AFAP1: variants seen among roughly 807,000 people sequenced by gnomAD.
AFAP1 encodes the protein actin filament associated protein 1, also known as actin filament-associated protein 1.
Under a neutral mutation model 93.9 loss-of-function variants are expected in AFAP1, and 75 were observed. The observed-to-expected ratio is 0.80, with a 90% CI of 0.66 to 0.97. The LOEUF (loss-of-function observed/expected upper bound fraction) is 0.97. AFAP1 is among the 50% of genes least tolerant of loss of function. The pLI, the probability that AFAP1 is intolerant of heterozygous loss-of-function variation, is 0.00. For synonymous variants in AFAP1, 517 were observed against 430.7 expected, an observed-to-expected ratio of 1.20 and a Z score of -2.48; for missense variants, 1,201 against 1,050.8, an observed-to-expected ratio of 1.14 and a Z score of -1.98.
chr4:7,935,105 G>A (rs1320484446), intron 1 of AFAP1, among the ~76,000 whole-genome samples: 2 of 151,750 alleles, frequency 1.3e-5, no homozygotes, highest in African/African-American at 2.4e-5. Flanking sequence ...TAAACATTTG[G>A]GATTTCAAAG....
At chr4:7,891,857 C>T (rs1005555829) in intron 1 of AFAP1, among the ~76,000 whole-genome samples, 3 of 150,690 alleles carry the variant, frequency 2.0e-5, no homozygotes, top group Non-Finnish European at 4.4e-5. Context: ...ACAAGACCAG[C>T]GTGGCCAACA....
At chr4:7,769,306 G>T (rs1007661128) in intron 16 of AFAP1, among the ~76,000 whole-genome samples, 1 of 152,156 alleles carries the variant, frequency 6.6e-6, no homozygotes, top group African/African-American at 2.4e-5. Context: ...TGCATTCAAA[G>T]CTGGGCTCTT....
chr4:7,778,402 G>C (rs1050181923), intron 14 of AFAP1: 6 of 353,444 alleles, frequency 1.7e-5, no homozygotes, highest in African/African-American at 1.3e-4. Context: ...GCTGAGTTTA[G>C]AGTCTGCAAG....
intron 17 of AFAP1, among the ~76,000 whole-genome samples, chr4:7,765,378 ACT>A (rs1401789213): frequency 6.6e-6 from 1 of 152,016 alleles, no homozygotes; most frequent in Non-Finnish European, 1.5e-5. Context: ...CCTCGTCCTG[ACT>A]CAGGGAGGCA....
intron 9 of AFAP1, among the ~76,000 whole-genome samples, chr4:7,806,746 G>A (rs1719548811): frequency 6.6e-6 from 1 of 152,142 alleles, no homozygotes; most frequent in Admixed American, 6.5e-5. Context: ...AAATCTTGTG[G>A]ACAGAGGATG....
intron 2 of AFAP1, among the ~76,000 whole-genome samples, chr4:7,870,368 G>A (rs183838169): frequency 6.6e-6 from 1 of 152,190 alleles, no homozygotes; most frequent in Non-Finnish European, 1.5e-5. Flanking sequence ...CTTCAGAAGT[G>A]AACATTTCAG....
chr4:7,837,721 A>G (rs1405592419), intron 6 of AFAP1, among the ~76,000 whole-genome samples: 1 of 152,174 alleles, frequency 6.6e-6, no homozygotes, highest in African/African-American at 2.4e-5. Context: ...ACTAAAGAAG[A>G]AAAAAGAATG....
intron 1 of AFAP1, among the ~76,000 whole-genome samples, chr4:7,921,831 A>C (rs1276402243): frequency 6.6e-6 from 1 of 152,234 alleles, no homozygotes; most frequent in African/African-American, 2.4e-5. Flanking sequence ...TGTTTTTAAA[A>C]AGAAGACACA....
intron 4 of AFAP1, among the ~76,000 whole-genome samples, chr4:7,848,135 G>T (rs1290076630): frequency 7.2e-6 from 1 of 138,374 alleles, no homozygotes; most frequent in Non-Finnish European, 1.5e-5. Flanking sequence ...AAGGGAGTGA[G>T]TGAGGGAGTG....
intron 6 of AFAP1, among the ~76,000 whole-genome samples, chr4:7,825,684 TA>T (rs1349296471): frequency 6.6e-6 from 1 of 152,006 alleles, no homozygotes; most frequent in Admixed American, 6.6e-5. Context: ...GAAGTTGCGA[TA>T]ATTACAGCAA....
intron 4 of AFAP1, among the ~76,000 whole-genome samples, chr4:7,844,786 G>A (rs754514903): frequency 6.6e-6 from 1 of 152,222 alleles, no homozygotes; most frequent in Non-Finnish European, 1.5e-5. Flanking sequence ...TTTCAGCTGC[G>A]CTGGATGATA....
At chr4:7,827,435 G>C (rs528870272) in intron 6 of AFAP1, among the ~76,000 whole-genome samples, 2 of 151,842 alleles carry the variant, frequency 1.3e-5, no homozygotes, top group Admixed American at 1.3e-4. Flanking sequence ...GCTGCAGGTG[G>C]TGGCACACGC....
chr4:7,770,653 A>G (rs1013944117), intron 16 of AFAP1, among the ~76,000 whole-genome samples: 11 of 152,120 alleles, frequency 7.2e-5, no homozygotes, highest in African/African-American at 2.4e-4. Flanking sequence ...GAAAAGCTGA[A>G]GACACAGGAG....
intron 3 of AFAP1, among the ~76,000 whole-genome samples, chr4:7,856,569 C>T (rs1715102075): frequency 6.6e-6 from 1 of 152,122 alleles, no homozygotes; most frequent in African/African-American, 2.4e-5. Flanking sequence ...ACTCAGAGAC[C>T]GAAACTCTCT....
In AFAP1 at chr4:7,939,790, C is replaced by T. The variant is rs1251170626; in HGVS notation, c.-137G>A. 2.0e-5 allele frequency: 7 copies of T among 353,182 alleles called. No individual in the cohort carries two copies. The highest frequency in any genetic ancestry group is 3.3e-5 in the Non-Finnish European group (6 of 184,576). The allele number at this position is 353,182 out of a possible 1,614,324, so 21.9% of individuals were successfully genotyped here. A position where few individuals can be genotyped will look rare whatever the true frequency, so the allele number is the denominator to read the frequency against. ...GCGGGGCCGCCGCCGCCGCCTCAGC[C>T]CGTGTACCCCGCTCGAGATCCGGCT... On this transcript the variant is annotated 5_prime_UTR_variant, in exon 1 of 18. Coordinates refer to ENST00000420658, the MANE Select transcript of AFAP1 (RefSeq NM_001134647.2). This position sits in a 1 kb window ranked among gnomAD's most constrained non-coding sequence, Gnocchi z 5.6.
intron 10 of AFAP1, among the ~76,000 whole-genome samples, chr4:7,797,976 C>T (rs1368607575): frequency 3.3e-5 from 5 of 152,220 alleles, no homozygotes; most frequent in Non-Finnish European, 7.3e-5. Flanking sequence ...GTGAAGGGCG[C>T]ACAGGCATCC....
intron 1 of AFAP1, among the ~76,000 whole-genome samples, chr4:7,895,524 T>C (rs1343247887): frequency 6.6e-6 from 1 of 152,206 alleles, no homozygotes; most frequent in Non-Finnish European, 1.5e-5. Context: ...AATCTGTAGC[T>C]ATTCCCCACC....
chr4:7,822,586 C>CTTT lies in AFAP1; in HGVS notation c.727-3418_727-3416dup, dbSNP rs5855982. On this transcript the variant is annotated intron_variant, in intron 6 of 17. Coordinates refer to ENST00000420658, the MANE Select transcript of AFAP1 (RefSeq NM_001134647.2). The stretch of plus-strand genomic sequence containing the variant: ...GTTGTCTTCTTTCTTTTTCTTTTTT[C>CTTT]TTTTTTTTTTTTTTTTGAGACAGAG... Among the ~76,000 whole-genome samples the CTTT allele has an allele frequency of 2.2e-3, 285 of 132,548 alleles. 6 individuals carry two copies. The highest frequency in any genetic ancestry group is 4.4e-3 in the Admixed American group (57 of 13,008). The allele number at this position is 132,548 out of a possible 152,430, so 87.0% of individuals were successfully genotyped here.
At chr4:7,798,988 A>G (rs905996890) in intron 10 of AFAP1, 1 of 986,200 alleles carries the variant, frequency 1.0e-6, no homozygotes, top group African/African-American at 1.7e-5. Flanking sequence ...TTACATCAAG[A>G]GTACAGTTTC....
Sources: allele counts gnomAD v4.1 joint callset (sites outside exome capture counted in the v4.1 genomes callset), GRCh38; gene constraint gnomAD v4.1.1; non-coding constraint Gnocchi (gnomAD v3.1); transcripts MANE v1.5; gene names NCBI Gene and HGNC (gene_info 2026-07-23, HGNC 2026-07-21).